LMCD1: variants seen among roughly 807,000 people sequenced by gnomAD.
LMCD1 encodes the protein LIM and cysteine-rich domains protein 1.
In LMCD1, 32 loss-of-function variants were observed where a neutral mutation model predicts 42.7. That is an observed-to-expected ratio of 0.75 (90% CI 0.57 to 1.01). The LOEUF is 1.01. Ranked by LOEUF, LMCD1 falls within the 50% of genes least tolerant of loss-of-function variation. The pLI is 0.00. For synonymous variants in LMCD1, 178 were observed against 184.9 expected, an observed-to-expected ratio of 0.96 and a Z score of 0.30; for missense variants, 458 against 483.1, an observed-to-expected ratio of 0.95 and a Z score of 0.49.
chr3:8,545,925 C>G (rs1694725707), intron 3 of LMCD1, among the ~76,000 whole-genome samples: 1 of 152,126 alleles, frequency 6.6e-6, no homozygotes, highest in Non-Finnish European at 1.5e-5. Flanking sequence ...GTCAGAAGTT[C>G]AAGACCAACC....
chr3:8,519,564 G>C (rs1694160376), intron 1 of LMCD1, among the ~76,000 whole-genome samples: 1 of 152,058 alleles, frequency 6.6e-6, no homozygotes, highest in Admixed American at 6.5e-5. Flanking sequence ...AGAAAAATGT[G>C]GCCTAAATAC....
intron 1 of LMCD1, among the ~76,000 whole-genome samples, chr3:8,507,694 T>C (rs1157361449): frequency 6.6e-6 from 1 of 152,220 alleles, no homozygotes; most frequent in African/African-American, 2.4e-5. Flanking sequence ...AATATTGGTG[T>C]CCTTTTTTAC....
intron 4 of LMCD1, among the ~76,000 whole-genome samples, chr3:8,559,610 A>G (rs1694991951): frequency 1.3e-5 from 2 of 152,154 alleles, no homozygotes; most frequent in Non-Finnish European, 2.9e-5. Context: ...GAATTGTGGG[A>G]GAGACTAAGT....
At chr3:8,508,740 C>T (rs1161711052) in intron 1 of LMCD1, among the ~76,000 whole-genome samples, 1 of 152,182 alleles carries the variant, frequency 6.6e-6, no homozygotes, top group Non-Finnish European at 1.5e-5. Context: ...GGTGCCACAA[C>T]CAAGATACAT....
At chr3:8,510,623 A>G (rs1165547413) in intron 1 of LMCD1, among the ~76,000 whole-genome samples, 1 of 152,174 alleles carries the variant, frequency 6.6e-6, no homozygotes, top group Non-Finnish European at 1.5e-5. Flanking sequence ...GAAAGCAGGT[A>G]TTTTTATATC....
chr3:8,503,470 A>G (rs1314391900), intron 1 of LMCD1, among the ~76,000 whole-genome samples: 1 of 152,216 alleles, frequency 6.6e-6, no homozygotes, highest in Admixed American at 6.5e-5. Context: ...AATTACCATA[A>G]CATTTTAGAC....
chr3:8,511,445 C>A (rs944973576), intron 1 of LMCD1, among the ~76,000 whole-genome samples: 5 of 152,172 alleles, frequency 3.3e-5, no homozygotes, highest in Admixed American at 2.0e-4. Flanking sequence ...ATCAAATCAT[C>A]AAAGAATCAT....
chr3:8,553,523 G>A (rs1694875972), intron 4 of LMCD1, among the ~76,000 whole-genome samples: 1 of 152,174 alleles, frequency 6.6e-6, no homozygotes, highest in African/African-American at 2.4e-5. Flanking sequence ...GCATGGCCGG[G>A]GCTGTCAGTT....
intron 1 of LMCD1, among the ~76,000 whole-genome samples, chr3:8,509,505 T>G (rs1693952962): frequency 6.6e-6 from 1 of 152,218 alleles, no homozygotes; most frequent in African/African-American, 2.4e-5. Flanking sequence ...TTATTTAGCA[T>G]CTGTTATGTG....
At chr3:8,558,572 T>G (rs1317396740) in intron 4 of LMCD1, among the ~76,000 whole-genome samples, 1 of 152,236 alleles carries the variant, frequency 6.6e-6, no homozygotes, top group African/African-American at 2.4e-5. Flanking sequence ...CTTAGATATT[T>G]GGGAACATGA....
intron 1 of LMCD1, among the ~76,000 whole-genome samples, chr3:8,516,383 T>A (rs1234604376): frequency 6.6e-6 from 1 of 152,176 alleles, no homozygotes; most frequent in African/African-American, 2.4e-5. Flanking sequence ...TAGTCCTTGA[T>A]GAATATTTAT....
At chr3:8,546,366 G>A (rs1694734822) in intron 3 of LMCD1, among the ~76,000 whole-genome samples, 1 of 152,200 alleles carries the variant, frequency 6.6e-6, no homozygotes, top group Admixed American at 6.5e-5. Context: ...GCTGTCCTGG[G>A]CCATATGTGG....
intron 4 of LMCD1, among the ~76,000 whole-genome samples, chr3:8,563,886 G>A (rs1411301976): frequency 1.3e-5 from 2 of 152,144 alleles, no homozygotes; most frequent in African/African-American, 2.4e-5. Flanking sequence ...TCCTCCCAAC[G>A]TACTCATCAT....
intron 4 of LMCD1, chr3:8,550,694 A>G: frequency 2.0e-6 from 2 of 984,376 alleles, no homozygotes; most frequent in African/African-American, 1.8e-5. Context: ...AGAAAAAAAT[A>G]TTAGATCTAG....
chr3:8,564,265 T>C (rs934820306), intron 4 of LMCD1, among the ~76,000 whole-genome samples: 4 of 151,742 alleles, frequency 2.6e-5, no homozygotes, highest in African/African-American at 4.8e-5. Flanking sequence ...TACTCAAATA[T>C]TATTATTATT....
chr3:8,528,326 A>G (rs1694339538), intron 1 of LMCD1, among the ~76,000 whole-genome samples: 1 of 150,998 alleles, frequency 6.6e-6, no homozygotes, highest in Non-Finnish European at 1.5e-5. Flanking sequence ...GTAAGCTGGA[A>G]CTACAGGCAC....
chr3:8,502,852 G>A (rs1181382992), intron 1 of LMCD1, among the ~76,000 whole-genome samples: 1 of 152,192 alleles, frequency 6.6e-6, no homozygotes, highest in Non-Finnish European at 1.5e-5. Flanking sequence ...ATGTGAACGG[G>A]AAGGGAACAG....
At chr3:8,550,464 C>G in intron 4 of LMCD1, 2 of 986,038 alleles carry the variant, frequency 2.0e-6, no homozygotes, top group Non-Finnish European at 1.2e-6. Flanking sequence ...GGGCCGGACT[C>G]TTTCTCCCTT....
At chr3:8,540,216 T>C (rs1398066378) in intron 3 of LMCD1, among the ~76,000 whole-genome samples, 3 of 152,200 alleles carry the variant, frequency 2.0e-5, no homozygotes, top group Non-Finnish European at 2.9e-5. Context: ...AGACTGATTA[T>C]ATTTTGGGAA....
Sources: allele counts gnomAD v4.1 joint callset (sites outside exome capture counted in the v4.1 genomes callset), GRCh38; gene constraint gnomAD v4.1.1; transcripts MANE v1.5; gene names NCBI Gene and HGNC (gene_info 2026-07-23, HGNC 2026-07-21).